ZFPM2: variants seen among roughly 807,000 people sequenced by gnomAD.
The protein encoded by ZFPM2 is zinc finger protein ZFPM2.
A neutral mutation model predicts 98.6 loss-of-function variants in ZFPM2; 20 were observed. That is an observed-to-expected ratio of 0.20 (90% CI 0.14 to 0.29). The LOEUF (loss-of-function observed/expected upper bound fraction) is 0.29, where lower values mean the gene tolerates loss of function less well. ZFPM2 is among the 10% of genes least tolerant of loss of function. The probability of loss-of-function intolerance (pLI) is 1.00; values close to 1 mark genes in which losing one functional copy is unlikely to be tolerated. For synonymous variants in ZFPM2, 518 were observed against 502.7 expected, an observed-to-expected ratio of 1.03 and a Z score of -0.41; for missense variants, 1,310 against 1,388.6, an observed-to-expected ratio of 0.94 and a Z score of 0.90.
intron 5 of ZFPM2, among the ~76,000 whole-genome samples, chr8:105,784,455 T>A (rs1248503338): frequency 6.8e-6 from 1 of 145,990 alleles, no homozygotes; most frequent in African/African-American, 2.8e-5. Flanking sequence ...TTCTTTCTGG[T>A]GAGATTTCTT....
At chr8:105,619,130 G>A (rs1816477518) in intron 4 of ZFPM2, among the ~76,000 whole-genome samples, 1 of 152,078 alleles carries the variant, frequency 6.6e-6, no homozygotes, top group East Asian at 1.9e-4. Flanking sequence ...TTAAATTGGA[G>A]ACGGCCTCAG....
chr8:105,497,474 T>C (rs1346405680), intron 3 of ZFPM2, among the ~76,000 whole-genome samples: 1 of 152,138 alleles, frequency 6.6e-6, no homozygotes, highest in Non-Finnish European at 1.5e-5. Context: ...ATAAAATAAT[T>C]AAGCCAAAGT....
intron 4 of ZFPM2, among the ~76,000 whole-genome samples, chr8:105,586,976 C>T (rs1815732604): frequency 6.6e-6 from 1 of 151,350 alleles, no homozygotes; most frequent in South Asian, 2.1e-4. Flanking sequence ...TTGTATGCAG[C>T]ATTAAAAGCT....
chr8:105,794,191 C>CCAT (rs966277938), intron 6 of ZFPM2, among the ~76,000 whole-genome samples: 3 of 151,984 alleles, frequency 2.0e-5, no homozygotes, highest in Non-Finnish European at 4.4e-5. Flanking sequence ...TGTTTTTTCC[C>CCAT]CATCTTTGTG....
chr8:105,682,449 A>G (rs1810629584), intron 5 of ZFPM2, among the ~76,000 whole-genome samples: 1 of 152,182 alleles, frequency 6.6e-6, no homozygotes, highest in African/African-American at 2.4e-5. Context: ...TATAGAATAC[A>G]GAAAATAAGG....
chr8:105,763,689 C>T (rs370841984), intron 5 of ZFPM2, among the ~76,000 whole-genome samples: 43 of 151,954 alleles, frequency 2.8e-4, no homozygotes, highest in African/African-American at 9.6e-4. Context: ...TGTCCAAGGT[C>T]ACATAGATGC....
At chr8:105,797,457 G>A (rs1239309009) in intron 6 of ZFPM2, among the ~76,000 whole-genome samples, 15 of 152,144 alleles carry the variant, frequency 9.9e-5, no homozygotes, top group Admixed American at 3.9e-4. Flanking sequence ...CTGATTATGC[G>A]ATAATATCTG....
chr8:105,746,739 A>C (rs16873621), intron 5 of ZFPM2, among the ~76,000 whole-genome samples: 22,218 of 149,760 alleles, frequency 0.15, 1,913 homozygotes, highest in Non-Finnish European at 0.2. Flanking sequence ...TCTGCAAAAA[A>C]CATTCAAATG....
rs192510252 is a variant in ZFPM2 at position 105,719,620 on chromosome 8, G to A, written c.533-69098G>A. On this transcript the variant is annotated intron_variant, in intron 5 of 7. Transcript: ENST00000407775. The stretch of plus-strand genomic sequence containing the variant: ...ATTAGAACCTTAATCATAACATTTA[G>A]GGGAAGAATAGTTTTAGATAATACA... Among the ~76,000 whole-genome samples, 1,252 of 152,014 alleles carry A rather than the reference G, an allele frequency of 8.2e-3. 12 individuals are homozygous for A. The highest frequency in any genetic ancestry group is 0.014 in the Non-Finnish European group (957 of 67,890).
intron 1 of ZFPM2, among the ~76,000 whole-genome samples, chr8:105,346,309 G>A (rs528361982): frequency 5.9e-5 from 9 of 151,830 alleles, no homozygotes; most frequent in South Asian, 2.1e-4. Flanking sequence ...GCTTGAACCC[G>A]GGAGGCGGAG....
intron 3 of ZFPM2, among the ~76,000 whole-genome samples, chr8:105,500,866 T>C (rs372692927): frequency 6.6e-6 from 1 of 152,260 alleles, no homozygotes; most frequent in East Asian, 1.9e-4. Context: ...AATATGTAGA[T>C]GTCTAGTACC....
At chr8:105,694,111 C>T (rs1197737059) in intron 5 of ZFPM2, among the ~76,000 whole-genome samples, 3 of 151,018 alleles carry the variant, frequency 2.0e-5, no homozygotes, top group Admixed American at 6.6e-5. Flanking sequence ...CTCTGCTTCC[C>T]GAATAGGTAG....
chr8:105,355,495 T>A (rs1329376575), intron 1 of ZFPM2, among the ~76,000 whole-genome samples: 1 of 152,234 alleles, frequency 6.6e-6, no homozygotes, highest in Non-Finnish European at 1.5e-5. Context: ...TATAGAGCTG[T>A]GTACCTTAAC....
chr8:105,344,519 C>T (rs533191136), intron 1 of ZFPM2, among the ~76,000 whole-genome samples: 1 of 152,230 alleles, frequency 6.6e-6, no homozygotes, highest in South Asian at 2.1e-4. Flanking sequence ...TTGTAATTTA[C>T]TGAGATTTCT....
At chr8:105,640,597 A>G (rs1402302828) in intron 5 of ZFPM2, among the ~76,000 whole-genome samples, 1 of 152,072 alleles carries the variant, frequency 6.6e-6, no homozygotes, top group Admixed American at 6.6e-5. Flanking sequence ...AAATTCTAGT[A>G]TGATTTAGCT....
intron 1 of ZFPM2, among the ~76,000 whole-genome samples, chr8:105,321,146 T>G (rs534737409): frequency 6.6e-6 from 1 of 152,334 alleles, no homozygotes; most frequent in Non-Finnish European, 1.5e-5. Flanking sequence ...GGGGAGATAC[T>G]TAAATGTCGT....
At chr8:105,604,016 A>G (rs1389339586) in intron 4 of ZFPM2, among the ~76,000 whole-genome samples, 1 of 152,008 alleles carries the variant, frequency 6.6e-6, no homozygotes, top group Admixed American at 6.6e-5. Context: ...TTAAAGCCAA[A>G]TTTAAATCCC....
chr8:105,576,796 G>A (rs1815477571), intron 4 of ZFPM2, among the ~76,000 whole-genome samples: 1 of 152,076 alleles, frequency 6.6e-6, no homozygotes, highest in Non-Finnish European at 1.5e-5. Context: ...ATGGACCCAA[G>A]CAAAACAGTT....
intron 5 of ZFPM2, among the ~76,000 whole-genome samples, chr8:105,758,005 A>G (rs982037251): frequency 2.0e-5 from 3 of 152,168 alleles, no homozygotes; most frequent in Admixed American, 1.3e-4. Context: ...TGGAAGGCAT[A>G]TTGGAGAGTA....
Sources: allele counts gnomAD v4.1 joint callset (sites outside exome capture counted in the v4.1 genomes callset), GRCh38; gene constraint gnomAD v4.1.1; transcripts MANE v1.5; gene names NCBI Gene and HGNC (gene_info 2026-07-23, HGNC 2026-07-21).